RNF157: variants seen among roughly 807,000 people sequenced by gnomAD.
RNF157 encodes ring finger protein 157, also known as E3 ubiquitin ligase RNF157.
RNF157 carries 55 observed loss-of-function variants against 88.3 expected under a neutral mutation model. The observed-to-expected ratio is 0.62, with a 90% CI of 0.50 to 0.78. The LOEUF is 0.78. RNF157 is among the 30% of genes least tolerant of loss of function. The probability of loss-of-function intolerance (pLI) is 0.00; values close to 1 mark genes in which losing one functional copy is unlikely to be tolerated. For synonymous variants in RNF157, 334 were observed against 341.2 expected, an observed-to-expected ratio of 0.98 and a Z score of 0.23; for missense variants, 788 against 860.8, an observed-to-expected ratio of 0.92 and a Z score of 1.06.
chr17:76,180,506 G>A (rs2069172613), intron 2 of RNF157, among the ~76,000 whole-genome samples: 1 of 152,156 alleles, frequency 6.6e-6, no homozygotes, highest in Non-Finnish European at 1.5e-5. Flanking sequence ...ATTTAACTGA[G>A]TATCTACTAT....
In RNF157 at chr17:76,146,255, T is replaced by C; in HGVS notation, c.1922-902A>G. The C allele has an allele frequency of 1.4e-6, 1 of 735,668 alleles. No individual in the cohort carries two copies. The highest frequency in any genetic ancestry group is 6.1e-5 in the South Asian group (1 of 16,288). 45.6% of individuals were successfully genotyped at this position (735,668 alleles called of 1,614,324 possible). On this transcript the variant is annotated intron_variant, in intron 18 of 18. Coordinates refer to ENST00000269391, the MANE Select transcript of RNF157 (RefSeq NM_052916.3). This position sits in a 1 kb window ranked among gnomAD's most constrained non-coding sequence, Gnocchi z 4.2. ...GGGCACATCAGTTTACTGTGGGCCTTGGTTTTCTCACCCATCAGATGGGAC... is the reference window on the plus strand; with the variant it reads ...GGGCACATCAGTTTACTGTGGGCCTCGGTTTTCTCACCCATCAGATGGGAC...
At chr17:76,232,472 T>C (rs2145081440) in intron 1 of RNF157, among the ~76,000 whole-genome samples, 1 of 152,300 alleles carries the variant, frequency 6.6e-6, no homozygotes, top group East Asian at 1.9e-4. Flanking sequence ...AAATAAACAA[T>C]GGATTTTGTT....
At chr17:76,198,827 G>A (rs2069522000) in intron 2 of RNF157, among the ~76,000 whole-genome samples, 1 of 152,192 alleles carries the variant, frequency 6.6e-6, no homozygotes, top group African/African-American at 2.4e-5. Flanking sequence ...CCTTGGTCCA[G>A]GCCTGGCATC....
In RNF157 at chr17:76,146,264, CA is replaced by C. The variant is rs2068583954; in HGVS notation, c.1922-912del. ...AGTTTACTGTGGGCCTTGGTTTTCT[CA>C]CCCATCAGATGGGACATGCGTACTG... is the stretch of plus-strand genomic sequence containing the variant. On this transcript the variant is annotated intron_variant, in intron 18 of 18. Coordinates refer to ENST00000269391, the MANE Select transcript of RNF157 (RefSeq NM_052916.3). This position sits in a 1 kb window ranked among gnomAD's most constrained non-coding sequence, Gnocchi z 4.2. The C allele has an allele frequency of 1.2e-6, 1 of 830,932 alleles. No individual in the cohort carries two copies. The highest frequency in any genetic ancestry group is 1.5e-6 in the Non-Finnish European group (1 of 688,956). The allele number at this position is 830,932 out of a possible 1,614,324, so 51.5% of individuals were successfully genotyped here.
At chr17:76,165,327 G>A (rs1045537867) in intron 7 of RNF157, among the ~76,000 whole-genome samples, 175 bp downstream of exon 7, 5 of 151,646 alleles carry the variant, frequency 3.3e-5, no homozygotes, top group Non-Finnish European at 5.9e-5. Flanking sequence ...TCACTCTATC[G>A]CCCAGGCTGG....
In RNF157 at chr17:76,226,780, G is replaced by A. The variant is rs575447764; in HGVS notation, c.88+13373C>T. On this transcript the variant is annotated intron_variant, in intron 1 of 18. Coordinates refer to ENST00000269391, the MANE Select transcript of RNF157 (RefSeq NM_052916.3). ...ACATCAAGTCCCCCACCAACACCTC[G>A]TTGCTCAGGAAGCTCATTTCGGTCA... 112 of 1,568,646 alleles carry A rather than the reference G, an allele frequency of 7.1e-5. No individual in the cohort carries two copies. The African/African-American group carries it at 8.2e-4, about 11-fold the overall frequency.
chr17:76,220,405 G>A (rs1023022343), intron 1 of RNF157, among the ~76,000 whole-genome samples: 1 of 145,448 alleles, frequency 6.9e-6, no homozygotes, highest in Non-Finnish European at 1.5e-5. Context: ...AAAAAAAAAA[G>A]GTTACCTTTG....
intron 1 of RNF157, chr17:76,226,755 A>C: frequency 6.3e-7 from 1 of 1,591,998 alleles, no homozygotes; most frequent in Non-Finnish European, 8.6e-7. Context: ...TCGAAGGGGG[A>C]CATCAAGTCC....
Position 76,164,766 on chromosome 17 carries a change from G to A in RNF157, c.702C>T (p.Pro234=). ...KHTDGTFCVK[P]LKQKQVVDGV... Reference sequence around the variant, plus strand: ...TACTTACTACTTGTTTCTGTTTGAGGGGCTTGACACAGAAAGTTCCATCTG... The same window carrying A: ...TACTTACTACTTGTTTCTGTTTGAGAGGCTTGACACAGAAAGTTCCATCTG... Residue 234 remains proline, a synonymous_variant, in exon 8 of 19, where the codon CCC becomes CCT. Coordinates refer to ENST00000269391, the MANE Select transcript of RNF157 (RefSeq NM_052916.3). 6.2e-7 allele frequency: 1 copy of A among 1,610,896 alleles called. No homozygotes were observed. Among genetic ancestry groups the A allele is most frequent in the Non-Finnish European group, 8.5e-7 (1 of 1,177,270 alleles).
chr17:76,211,118 G>A (rs1050231014), intron 2 of RNF157, among the ~76,000 whole-genome samples: 7 of 152,156 alleles, frequency 4.6e-5, no homozygotes, highest in East Asian at 1.9e-4. Context: ...CTTTCCAATC[G>A]GGCCAGACTG....
rs867378340 is a variant in RNF157 at position 76,220,617 on chromosome 17, G to A, written c.89-8135C>T. On this transcript the variant is annotated intron_variant, in intron 1 of 18. Transcript: ENST00000269391. ...TGAGCCCAGAAGTTTGAGACCAGCC[G>A]AGGCAACATGGCAAGACACTGTCTC... Among the ~76,000 whole-genome samples, 88 of 152,040 alleles carry A rather than the reference G, an allele frequency of 5.8e-4. No individual in the cohort carries two copies. The Middle Eastern group carries it at 0.01, about 18-fold the overall frequency.
intron 3 of RNF157, among the ~76,000 whole-genome samples, chr17:76,172,445 A>G (rs2069029175): frequency 6.6e-6 from 1 of 151,632 alleles, no homozygotes; most frequent in Non-Finnish European, 1.5e-5. Flanking sequence ...CACAAAATTA[A>G]CCGGGCGTGG....
intron 1 of RNF157, among the ~76,000 whole-genome samples, chr17:76,232,919 C>T (rs1003323074): frequency 1.4e-5 from 2 of 145,780 alleles, no homozygotes; most frequent in Non-Finnish European, 3.1e-5. Context: ...CTATTGAAAT[C>T]TCGCATATTT....
At chr17:76,196,260 G>A (rs1188868497) in intron 2 of RNF157, among the ~76,000 whole-genome samples, 1 of 152,206 alleles carries the variant, frequency 6.6e-6, no homozygotes, top group Non-Finnish European at 1.5e-5. Flanking sequence ...GATGCTGAGT[G>A]AAAGGAGCCA....
rs115595711 is a variant in RNF157 at position 76,182,431 on chromosome 17, T to G, written c.208-8641A>C. On this transcript the variant is annotated intron_variant, in intron 2 of 18. Transcript: ENST00000269391. The stretch of plus-strand genomic sequence containing the variant: ...GGGTGCACGTGCATTCACATACACA[T>G]GGGCACACACGCATTTAGTCTGTGT... 6.7e-3 allele frequency among the ~76,000 whole-genome samples: 989 copies of G among 147,186 alleles called. 7 individuals carry two copies. Among genetic ancestry groups the G allele is most frequent in the African/African-American group, 0.024 (927 of 39,124 alleles).
intron 1 of RNF157, among the ~76,000 whole-genome samples, chr17:76,222,583 A>C (rs1568074042): frequency 6.6e-6 from 1 of 152,148 alleles, no homozygotes; most frequent in Non-Finnish European, 1.5e-5. Context: ...AACTTTACCA[A>C]AATTATCCCT....
At position 76,161,749 on chromosome 17, in the gene RNF157, G is replaced by C. The variant is rs896220550; in HGVS notation, c.952+94C>G. On this transcript the variant is annotated intron_variant, in intron 10 of 18. Coordinates refer to ENST00000269391, the MANE Select transcript of RNF157 (RefSeq NM_052916.3). The surrounding 1 kb of genome is among the most constrained non-coding windows in gnomAD (Gnocchi z 4.6). ...GATCCCTCCCAGCGCGCATCCGTTT[G>C]TCAGATCCAGCAGCAGCACATGCTT... 5.4e-5 allele frequency: 83 copies of C among 1,543,150 alleles called. 2 individuals carry two copies. In the South Asian group the frequency reaches 9.3e-4, roughly 17 times the overall value.
intron 1 of RNF157, among the ~76,000 whole-genome samples, chr17:76,213,689 G>A (rs969898597): frequency 3.8e-4 from 58 of 152,032 alleles, no homozygotes; most frequent in African/African-American, 1.3e-3. Context: ...GATGGCGGCT[G>A]GTCACTGGAA....
intron 2 of RNF157, among the ~76,000 whole-genome samples, chr17:76,174,087 AC>A (rs1568039019): frequency 6.6e-6 from 1 of 151,944 alleles, no homozygotes; most frequent in African/African-American, 2.4e-5. Context: ...AAAAAAAAAA[AC>A]CGCTGAAGTT....
Sources: allele counts gnomAD v4.1 joint callset (sites outside exome capture counted in the v4.1 genomes callset), GRCh38; gene constraint gnomAD v4.1.1; non-coding constraint Gnocchi (gnomAD v3.1); transcripts MANE v1.5; gene names NCBI Gene and HGNC (gene_info 2026-07-23, HGNC 2026-07-21).